The following GRAMD2B variants were observed in gnomAD, a reference collection of about 807,000 sequenced individuals.
GRAMD2B encodes the protein GRAM domain containing 2B, also known as GRAM domain-containing protein 2B.
In GRAMD2B, 41 loss-of-function variants were observed where a neutral mutation model predicts 59.2. The observed-to-expected ratio is 0.69, with a 90% CI of 0.54 to 0.90. The LOEUF is 0.90. Ranked by LOEUF, GRAMD2B falls within the 40% of genes least tolerant of loss-of-function variation. The pLI is 0.00. For synonymous variants in GRAMD2B, 161 were observed against 182.7 expected (o/e 0.88, Z 0.96); for missense variants, 424 against 500.5 (o/e 0.85, Z 1.46).
chr5:126,447,875 T>TA (rs751327191), intron 1 of GRAMD2B, among the ~76,000 whole-genome samples: 2 of 129,714 alleles, frequency 1.5e-5, no homozygotes, highest in Admixed American at 1.6e-4. Flanking sequence ...TTTTTTTTTT[T>TA]AAAAAATAGT....
intron 1 of GRAMD2B, among the ~76,000 whole-genome samples, chr5:126,436,115 G>A (rs1762363554): frequency 1.3e-5 from 2 of 152,146 alleles, no homozygotes; most frequent in African/African-American, 2.4e-5. Context: ...CTTAAATAGA[G>A]AATACAATTT....
At chr5:126,371,533 A>G (rs1355083745) in exon 1 of GRAMD2B, 9 of 1,289,094 alleles carry the variant, frequency 7.0e-6, no homozygotes, top group Non-Finnish European at 9.1e-6. Flanking sequence ...GGCCTCACGC[A>G]GCTCCACAGA....
At chr5:126,367,642 T>G (rs1678679982), upstream of GRAMD2B, among the ~76,000 whole-genome samples, 1 of 152,220 alleles carries the variant, frequency 6.6e-6, no homozygotes, top group African/African-American at 2.4e-5. Flanking sequence ...AAGACTACAT[T>G]CTTTGAATTA....
In GRAMD2B at chr5:126,465,475, C is replaced by T. The variant is rs756842405; in HGVS notation, c.133C>T (p.Pro45Ser). The T allele has an allele frequency of 1.1e-5, 17 of 1,614,012 alleles. No homozygotes were observed. Among genetic ancestry groups the T allele is most frequent in the Middle Eastern group, 1.6e-4 (1 of 6,084 alleles). Residue 45 changes from proline to serine, a missense_variant, in exon 2 of 14, where the codon CCA (proline) becomes TCA (serine). Coordinates refer to ENST00000285689, the MANE Select transcript of GRAMD2B (RefSeq NM_023927.4). ...VEEKKKACRS[P>S]TAQSPTPSVE... Reference sequence around the variant, plus strand: ...GGAGAAAAAGAAAGCCTGCAGGTCGCCAACAGCCCAATCCCCTACCCCATC... The same window carrying T: ...GGAGAAAAAGAAAGCCTGCAGGTCGTCAACAGCCCAATCCCCTACCCCATC...
intron 1 of GRAMD2B, among the ~76,000 whole-genome samples, chr5:126,407,127 T>G (rs1758329343): frequency 6.6e-6 from 1 of 151,862 alleles, no homozygotes; most frequent in African/African-American, 2.4e-5. Context: ...TTAATAGGAG[T>G]AGGGAGTACA....
intron 1 of GRAMD2B, among the ~76,000 whole-genome samples, chr5:126,405,597 T>C (rs976502569): frequency 2.2e-4 from 33 of 151,894 alleles, no homozygotes; most frequent in African/African-American, 7.5e-4. Context: ...TTCACCTAAG[T>C]CTAGTGAACC....
At chr5:126,466,079 AAGTTGGTAGAGACT>A (rs1177289681) in intron 2 of GRAMD2B, among the ~76,000 whole-genome samples, 6 of 152,132 alleles carry the variant, frequency 3.9e-5, no homozygotes, top group Non-Finnish European at 5.9e-5. Context: ...GTAGAGACTA[AAGTTGGTAGAGACT>A]AAAGTTGCTT....
At chr5:126,425,010 T>A (rs1189318825) in intron 1 of GRAMD2B, among the ~76,000 whole-genome samples, 3 of 152,236 alleles carry the variant, frequency 2.0e-5, no homozygotes, top group Non-Finnish European at 4.4e-5. Flanking sequence ...TTCCATGGCC[T>A]ACTCTTAAAA....
In GRAMD2B at chr5:126,423,716, C is replaced by G. The variant is rs112623524; in HGVS notation, c.83+27C>G. 10,841 of 1,584,540 alleles carry G rather than the reference C, an allele frequency of 6.8e-3. 60 individuals are homozygous for G. Among genetic ancestry groups the G allele is most frequent in the Non-Finnish European group, 8.5e-3 (9,983 of 1,167,724 alleles). On this transcript the variant is annotated intron_variant, in intron 1 of 13. Transcript: ENST00000285689. Reference sequence around the variant, plus strand: ...TGAGTATTCTCAGCTGGGACCCATCCAAGGAGGTGGGAGGAGCGCAGCCTA... The same window carrying G: ...TGAGTATTCTCAGCTGGGACCCATCGAAGGAGGTGGGAGGAGCGCAGCCTA...
At chr5:126,391,803 T>C (rs111233409) in intron 1 of GRAMD2B, among the ~76,000 whole-genome samples, 2,306 of 152,234 alleles carry the variant, frequency 0.015, 75 homozygotes, top group African/African-American at 0.053. Context: ...GGGAGGGTGA[T>C]GAAAATGTTC....
At chr5:126,472,350 T>C (rs1561579277) in intron 4 of GRAMD2B, 46 bp downstream of exon 4, 2 of 1,498,310 alleles carry the variant, frequency 1.3e-6, no homozygotes, top group African/African-American at 1.4e-5. Flanking sequence ...ATTTGAAAAG[T>C]TGATCATTAG....
At chr5:126,476,264 ACT>A (rs1770596263) in intron 5 of GRAMD2B, among the ~76,000 whole-genome samples, 1 of 151,982 alleles carries the variant, frequency 6.6e-6, no homozygotes, top group Non-Finnish European at 1.5e-5. Flanking sequence ...CAAGAGCAAA[ACT>A]CTGTCTCAAA....
chr5:126,445,444 C>CAGTG (rs1764030796), intron 1 of GRAMD2B: 1 of 152,074 alleles, frequency 6.6e-6, no homozygotes, highest in Admixed American at 6.6e-5. Flanking sequence ...CTCTAATGAT[C>CAGTG]AGTGATGTTG....
At chr5:126,396,086 T>A (rs1477373127) in intron 1 of GRAMD2B, among the ~76,000 whole-genome samples, 1 of 152,200 alleles carries the variant, frequency 6.6e-6, no homozygotes, top group Non-Finnish European at 1.5e-5. Context: ...ATAAAAGCCA[T>A]CCTAACAGGT....
At chr5:126,480,581 G>T in intron 7 of GRAMD2B, 46 bp from the exon 8 acceptor site, 1 of 1,607,122 alleles carries the variant, frequency 6.2e-7, no homozygotes, top group Non-Finnish European at 8.5e-7. Flanking sequence ...TATTTCTTAT[G>T]GTTTCATAGT....
chr5:126,381,958 G>A (rs1031546836), intron 1 of GRAMD2B, among the ~76,000 whole-genome samples: 4 of 152,038 alleles, frequency 2.6e-5, no homozygotes, highest in African/African-American at 9.7e-5. Context: ...ATGAAGCTTA[G>A]TTTTGCTGGG....
intron 1 of GRAMD2B, among the ~76,000 whole-genome samples, chr5:126,449,405 C>G (rs1764919658): frequency 6.6e-6 from 1 of 152,122 alleles, no homozygotes; most frequent in Non-Finnish European, 1.5e-5. Flanking sequence ...ACTAACATGA[C>G]AAACCACATG....
intron 10 of GRAMD2B, 110 bp from the exon 11 acceptor site, chr5:126,485,576 T>G (rs534679346): frequency 3.2e-6 from 2 of 624,964 alleles, no homozygotes; most frequent in African/African-American, 3.7e-5. Flanking sequence ...TTTCTCTGAT[T>G]TCTTTTACCT....
chr5:126,483,338 G>C, intron 8 of GRAMD2B, 125 bp from the exon 9 acceptor site: 1 of 500,742 alleles, frequency 2.0e-6, no homozygotes, highest in South Asian at 3.8e-5. Flanking sequence ...CAGTCGTATG[G>C]AGTAATCCTT....
Sources: gnomAD v4.1 joint callset for allele counts (sites outside exome capture counted in the v4.1 genomes callset) on GRCh38, gnomAD v4.1.1 for gene constraint, MANE v1.5 for transcripts, NCBI Gene and HGNC (gene_info 2026-07-23, HGNC 2026-07-21) for gene names.